The following CLOCK variants were observed in gnomAD, a reference collection of about 807,000 sequenced individuals.
CLOCK encodes circadian locomoter output cycles protein kaput.
A neutral mutation model predicts 118.4 loss-of-function variants in CLOCK; 43 were observed. The ratio of observed to expected loss-of-function variants is 0.36; its 90% confidence interval spans 0.28 to 0.47. The LOEUF is 0.47. Ranked by LOEUF, CLOCK falls within the 20% of genes least tolerant of loss-of-function variation. The probability of loss-of-function intolerance (pLI) is 1.00; values close to 1 mark genes in which losing one functional copy is unlikely to be tolerated. For synonymous variants in CLOCK, 326 were observed against 339.2 expected, an observed-to-expected ratio of 0.96 and a Z score of 0.43; for missense variants, 846 against 999.9, an observed-to-expected ratio of 0.85 and a Z score of 2.08.
rs559589937 is a variant in CLOCK at position 55,477,965 on chromosome 4, G to A, written c.256+850C>T. Among the ~76,000 whole-genome samples the A allele has an allele frequency of 3.3e-5, 5 of 152,076 alleles. No homozygotes were observed. In the East Asian group the frequency reaches 9.7e-4, roughly 29 times the overall value. On this transcript the variant is annotated intron_variant, in intron 6 of 22. Coordinates refer to ENST00000513440, the MANE Select transcript of CLOCK (RefSeq NM_004898.4). ...CTATTGCTTTATTGAGGGATAGGAA[G>A]GTAATGTCATTAGTGAAATTAACAA...
In CLOCK at chr4:55,459,125, G is replaced by C. The variant is rs769305097; in HGVS notation, c.673+23C>G. 1.1e-5 allele frequency: 16 copies of C among 1,485,682 alleles called. No homozygotes were observed. In the South Asian group the frequency reaches 1.8e-4, roughly 17 times the overall value. 92.0% of individuals were successfully genotyped at this position (1,485,682 alleles called of 1,614,324 possible). A position where few individuals can be genotyped will look rare whatever the true frequency, so the allele number is the denominator to read the frequency against. On this transcript the variant is annotated intron_variant, in intron 10 of 22. Coordinates refer to ENST00000513440, the MANE Select transcript of CLOCK (RefSeq NM_004898.4). ...GAAAAATAACAAGTTAAAACACATTGTGAGAGAAGCATTTTAACTCACCAC... is the reference window on the plus strand; with the variant it reads ...GAAAAATAACAAGTTAAAACACATTCTGAGAGAAGCATTTTAACTCACCAC...
chr4:55,476,420 A>C lies in CLOCK; in HGVS notation c.257-366T>G, dbSNP rs886590098. Among the ~76,000 whole-genome samples the C allele has an allele frequency of 3.9e-5, 6 of 152,132 alleles. No homozygotes were observed. The East Asian group carries it at 1.2e-3, about 29-fold the overall frequency. ...TTCCTTTTCCTTCCCTTGCCATTCAAATAGCAATGTCTAGAGCAGCACTAG... is the reference window on the plus strand; with the variant it reads ...TTCCTTTTCCTTCCCTTGCCATTCACATAGCAATGTCTAGAGCAGCACTAG... On this transcript the variant is annotated intron_variant, in intron 6 of 22. Transcript: ENST00000513440.
At position 55,450,112 on chromosome 4, in the gene CLOCK, T is replaced by C. The variant is rs766723314; in HGVS notation, c.1327A>G (p.Thr443Ala). ...TCACAGGAAGGGTCTGAGACGGCCG[T>C]GTGAGATGATTTTCTTGAACTCCGA... ...SSRSSRKSSH[T>A]AVSDPSSTPT... Residue 443 changes from threonine (T) to alanine (A), a missense_variant, in exon 16 of 23, where the codon ACG becomes GCG. Thr to Ala is a moderately conservative substitution (Grantham distance 58). Coordinates refer to ENST00000513440, the MANE Select transcript of CLOCK (RefSeq NM_004898.4). 2 of 1,613,956 alleles carry C rather than the reference T, an allele frequency of 1.2e-6. No individual in the cohort carries two copies. The highest frequency in any genetic ancestry group is 1.3e-5 in the African/African-American group (1 of 74,916).
At chr4:55,456,326 A>G in intron 11 of CLOCK, 26 bp from the exon 12 acceptor site, 1 of 1,379,768 alleles carries the variant, frequency 7.2e-7, no homozygotes. Context: ...TAAAATTTAT[A>G]AATACTTTGT....
At position 55,450,107 on chromosome 4, in the gene CLOCK, G is replaced by C. The variant is rs762362672; in HGVS notation, c.1332C>G (p.Ala444=). 5 of 1,613,960 alleles carry C rather than the reference G, an allele frequency of 3.1e-6. No individual in the cohort carries two copies. The East Asian group carries it at 1.1e-4, about 36-fold the overall frequency. ...SRSSRKSSHT[A]VSDPSSTPTK... ...GGTACTCACAGGAAGGGTCTGAGAC[G>C]GCCGTGTGAGATGATTTTCTTGAAC... Residue 444 remains alanine, a synonymous_variant, in exon 16 of 23, where the codon GCC becomes GCG. Coordinates refer to ENST00000513440, the MANE Select transcript of CLOCK (RefSeq NM_004898.4).
At chr4:55,452,857 C>G in intron 15 of CLOCK, 197 bp downstream of exon 15, 2 of 473,480 alleles carry the variant, frequency 4.2e-6, no homozygotes, top group Non-Finnish European at 3.8e-6. Context: ...AGACACATCT[C>G]TCATCCAATT....
At chr4:55,544,162 CCAGACA>C (rs1486670006) in intron 1 of CLOCK, among the ~76,000 whole-genome samples, 1 of 76,364 alleles carries the variant, frequency 1.3e-5, no homozygotes, top group Non-Finnish European at 2.5e-5. Context: ...TGAGAAACAA[CCAGACA>C]CACACACACA....
chr4:55,435,634 T>G, intron 22 of CLOCK, 40 bp from the exon 23 acceptor site: 1 of 1,600,308 alleles, frequency 6.2e-7, no homozygotes, highest in Non-Finnish European at 8.6e-7. Context: ...CTTTACTCCC[T>G]TTATGGCACC....
At chr4:55,448,540 C>A (rs1200819396) in intron 18 of CLOCK, among the ~76,000 whole-genome samples, 2 of 151,802 alleles carry the variant, frequency 1.3e-5, no homozygotes, top group African/African-American at 4.8e-5. Context: ...TCCTAAATGA[C>A]CCCAGTTAAG....
intron 8 of CLOCK, among the ~76,000 whole-genome samples, chr4:55,467,793 T>TA (rs78566898): frequency 0.58 from 88,843 of 152,028 alleles, 27,566 homozygotes; most frequent in South Asian, 0.81. Context: ...GCATTGCTAA[T>TA]ATCTCATGTT....
At chr4:55,443,037 T>TC (rs1345789505) in intron 20 of CLOCK, among the ~76,000 whole-genome samples, 1 of 152,054 alleles carries the variant, frequency 6.6e-6, no homozygotes. Flanking sequence ...TTATGCCCCC[T>TC]CCCCCAACAG....
intron 17 of CLOCK, 80 bp from the exon 18 acceptor site, chr4:55,448,948 A>AT: frequency 1.9e-5 from 21 of 1,084,906 alleles, no homozygotes; most frequent in Non-Finnish European, 2.8e-5. Context: ...TCAATATGAT[A>AT]TTCGTATTAA....
At chr4:55,514,929 C>A (rs1370745203) in intron 1 of CLOCK, among the ~76,000 whole-genome samples, 2 of 152,162 alleles carry the variant, frequency 1.3e-5, no homozygotes, top group Non-Finnish European at 2.9e-5. Flanking sequence ...CTGCTTCTGT[C>A]TTGCAAAAGA....
intron 1 of CLOCK, among the ~76,000 whole-genome samples, chr4:55,517,734 A>G (rs772490324): frequency 7.2e-5 from 11 of 152,068 alleles, no homozygotes; most frequent in Non-Finnish European, 1.6e-4. Context: ...GGGCCTAGAG[A>G]TATCTTTTTG....
chr4:55,476,770 T>C (rs62303718), intron 6 of CLOCK, among the ~76,000 whole-genome samples: 37,449 of 152,040 alleles, frequency 0.25, 4,949 homozygotes, highest in South Asian at 0.37. Flanking sequence ...AAAAAGCTAT[T>C]CATAAATGAT....
chr4:55,544,165 GAC>G (rs35842826), intron 1 of CLOCK, among the ~76,000 whole-genome samples: 12,471 of 148,016 alleles, frequency 0.084, 695 homozygotes, highest in African/African-American at 0.16. Context: ...GAAACAACCA[GAC>G]ACACACACAC....
chr4:55,503,102 GC>G (rs1052252647), intron 2 of CLOCK, among the ~76,000 whole-genome samples: 73 of 152,272 alleles, frequency 4.8e-4, no homozygotes, highest in African/African-American at 1.7e-3. Flanking sequence ...ATCTCCTAAA[GC>G]TAAACAGCCA....
chr4:55,520,451 A>C (rs1213675512), intron 1 of CLOCK, among the ~76,000 whole-genome samples: 1 of 152,174 alleles, frequency 6.6e-6, no homozygotes, highest in African/African-American at 2.4e-5. Context: ...ATTCAACTCC[A>C]AAAATGGCAT....
At chr4:55,466,026 T>C (rs1457703584) in intron 8 of CLOCK, among the ~76,000 whole-genome samples, 3 of 151,966 alleles carry the variant, frequency 2.0e-5, no homozygotes, top group Non-Finnish European at 4.4e-5. Context: ...AAATAAAGAA[T>C]CAAAATATAG....
Sources: gnomAD v4.1 joint callset for allele counts (sites outside exome capture counted in the v4.1 genomes callset) on GRCh38, gnomAD v4.1.1 for gene constraint, MANE v1.5 for transcripts, NCBI Gene and HGNC (gene_info 2026-07-23, HGNC 2026-07-21) for gene names.